INVS: variants seen among roughly 807,000 people sequenced by gnomAD.
INVS encodes the protein inversion of embryo turning homolog.
Under a neutral mutation model 108.8 loss-of-function variants are expected in INVS, and 86 were observed. That is an observed-to-expected ratio of 0.79 (90% CI 0.66 to 0.95). The LOEUF (loss-of-function observed/expected upper bound fraction) is 0.95, where lower values mean the gene tolerates loss of function less well. INVS is among the 40% of genes least tolerant of loss of function. INVS has a pLI of 0.00. For missense variants in INVS, 1,169 were observed against 1,297.4 expected (o/e 0.90, Z 1.52); for synonymous variants, 455 against 473.5 (o/e 0.96, Z 0.51).
rs548585225 is a variant in INVS, at chr9:100,100,997, TATA to T, written c.-25+1585_-25+1587del. Among the ~76,000 whole-genome samples the T allele has an allele frequency of 1.0e-4, 9 of 86,950 alleles. 1 individual carries two copies. The highest frequency in any genetic ancestry group is 5.2e-4 in the African/African-American group (9 of 17,382). The allele number at this position is 86,950 out of a possible 152,430, so 57.0% of individuals were successfully genotyped here. On this transcript the variant is annotated intron_variant, in intron 1 of 16. Transcript: ENST00000262457. ...ATTATATATATAATATATATGTATATATAATATATATATTATATGTATATATAT... is the reference window on the plus strand; with the variant it reads ...ATTATATATATAATATATATGTATATATATATATATTATATGTATATATAT...
At chr9:100,260,975 C>T (rs1319752193) in intron 10 of INVS, among the ~76,000 whole-genome samples, 1 of 152,168 alleles carries the variant, frequency 6.6e-6, no homozygotes, top group Non-Finnish European at 1.5e-5. Flanking sequence ...TATATACTGC[C>T]AAACTGATTT....
At chr9:100,291,918 T>C (rs974753663) in intron 13 of INVS, among the ~76,000 whole-genome samples, 15 of 152,228 alleles carry the variant, frequency 9.9e-5, no homozygotes, top group African/African-American at 3.6e-4. Flanking sequence ...ACTCATTTTC[T>C]GTTCTTATGT....
chr9:100,124,170 G>C (rs1827809576), intron 2 of INVS, among the ~76,000 whole-genome samples: 3 of 120,790 alleles, frequency 2.5e-5, no homozygotes, highest in Non-Finnish European at 5.0e-5. Flanking sequence ...TTTTTTATTT[G>C]TTTCTGAGTG....
chr9:100,300,257 A>C (rs1209377655), intron 16 of INVS, among the ~76,000 whole-genome samples: 1 of 152,198 alleles, frequency 6.6e-6, no homozygotes, highest in Non-Finnish European at 1.5e-5. Flanking sequence ...TGTTTATGTA[A>C]TGTGTTATGT....
intron 6 of INVS, among the ~76,000 whole-genome samples, chr9:100,241,524 T>C: frequency 6.6e-6 from 1 of 152,212 alleles, no homozygotes; most frequent in East Asian, 1.9e-4. Flanking sequence ...CCTGAAATTT[T>C]CCTCTGGATC....
At chr9:100,258,783 C>T (rs1339967288) in intron 10 of INVS, among the ~76,000 whole-genome samples, 1 of 152,172 alleles carries the variant, frequency 6.6e-6, no homozygotes, top group Non-Finnish European at 1.5e-5. Context: ...CTGGAAGCTT[C>T]GTCTCAGAGG....
chr9:100,261,849 C>A (rs1331402247), intron 10 of INVS, among the ~76,000 whole-genome samples: 1 of 152,114 alleles, frequency 6.6e-6, no homozygotes, highest in African/African-American at 2.4e-5. Context: ...TTAATTAATT[C>A]TGGTTTCTCA....
Position 100,296,952 on chromosome 9 carries a change from A to G in INVS, c.2822A>G (p.His941Arg), listed in dbSNP as rs886042226. 2.5e-6 allele frequency: 4 copies of G among 1,614,000 alleles called. No homozygotes were observed. In the African/African-American group the frequency reaches 5.3e-5, roughly 22 times the overall value. Residue 941 changes from histidine (H) to arginine (R), a missense_variant, in exon 15 of 17, where the codon CAT becomes CGT. By Grantham distance (29) the His-to-Arg change is conservative. Coordinates refer to ENST00000262457, the MANE Select transcript of INVS (RefSeq NM_014425.5). ...QLRKHLSHLRHMKQLGAGDVD... is the reference protein window; with the variant it reads ...QLRKHLSHLRRMKQLGAGDVD... ...AGGAAGCACCTGTCCCACCTTCGGC[A>G]TATGAAGCAGCTTGGAGCTGGAGAT... is the stretch of plus-strand genomic sequence containing the variant.
chr9:100,254,450 G>C (rs1307847949), intron 10 of INVS, among the ~76,000 whole-genome samples: 5 of 152,116 alleles, frequency 3.3e-5, no homozygotes, highest in Admixed American at 6.5e-5. Context: ...TTTGGCTTTT[G>C]TTGCCATTGC....
intron 12 of INVS, among the ~76,000 whole-genome samples, chr9:100,275,833 A>G (rs571195138): frequency 3.9e-4 from 59 of 152,372 alleles, no homozygotes; most frequent in African/African-American, 1.3e-3. Flanking sequence ...AGGAATATCT[A>G]TAATCAATTT....
chr9:100,246,697 G>A lies in INVS; in HGVS notation c.988G>A (p.Ala330Thr). 1 of 1,613,726 alleles carries A rather than the reference G, an allele frequency of 6.2e-7. No homozygotes were observed. Among genetic ancestry groups the A allele is most frequent in the Non-Finnish European group, 8.5e-7 (1 of 1,179,614 alleles). Residue 330 changes from alanine (A) to threonine (T), a missense_variant, in exon 8 of 17, where the codon GCT becomes ACT. This residue lies in a region of INVS where 365 missense variants were observed against 397.5 expected (regional missense o/e 0.92). Transcript: ENST00000262457. ...AGGAAGAACATCCTTTATGTGGGCA[G>A]CTGGCAAAGGCAGTGATGATGTCCT... The part of the protein sequence containing the change: ...LEGRTSFMWA[A>T]GKGSDDVLRT...
In INVS at chr9:100,229,709, A is replaced by G; in HGVS notation, c.497A>G (p.Lys166Arg). The change falls in exon 5 of 17, where the codon AAG becomes AGG. Residue 166 changes from lysine to arginine, a missense_variant. Physicochemically the swap from Lys to Arg is conservative, Grantham distance 26 (BLOSUM62 2). Coordinates refer to ENST00000262457, the MANE Select transcript of INVS (RefSeq NM_014425.5). The part of the protein sequence containing the change: ...SAYYNNPEHV[K>R]LLIKHDSNIG... ...TACTACAATAACCCTGAGCATGTGA[A>G]GCTGCTCATCAAGCATGATTCTAAC... The G allele has an allele frequency of 6.2e-7, 1 of 1,614,136 alleles. No homozygotes were observed. The highest frequency in any genetic ancestry group is 1.1e-5 in the South Asian group (1 of 91,074).
At chr9:100,142,440 C>T (rs1828462561) in intron 3 of INVS, among the ~76,000 whole-genome samples, 1 of 151,882 alleles carries the variant, frequency 6.6e-6, no homozygotes. Context: ...GAACTGCCAT[C>T]AATAAACCAA....
chr9:100,137,433 A>T (rs1274392627), intron 3 of INVS, among the ~76,000 whole-genome samples: 2 of 152,170 alleles, frequency 1.3e-5, no homozygotes, highest in African/African-American at 4.8e-5. Flanking sequence ...TTTTCACTGC[A>T]TAACAAGGAC....
At chr9:100,176,485 T>C (rs960049006) in intron 3 of INVS, among the ~76,000 whole-genome samples, 2 of 152,074 alleles carry the variant, frequency 1.3e-5, no homozygotes, top group African/African-American at 4.8e-5. Context: ...TATTTTTATT[T>C]ATTTATTTAG....
chr9:100,145,136 A>G (rs1366458834), intron 3 of INVS, among the ~76,000 whole-genome samples: 1 of 152,054 alleles, frequency 6.6e-6, no homozygotes, highest in African/African-American at 2.4e-5. Flanking sequence ...GTTCTTGAGA[A>G]CACAGGCTAA....
At chr9:100,158,597 C>T (rs897434812) in intron 3 of INVS, among the ~76,000 whole-genome samples, 2 of 152,132 alleles carry the variant, frequency 1.3e-5, no homozygotes. Flanking sequence ...TTCCTGGCAC[C>T]AAAATAGTGC....
intron 2 of INVS, among the ~76,000 whole-genome samples, chr9:100,120,232 T>C (rs915894165): frequency 2.8e-4 from 42 of 152,134 alleles, no homozygotes; most frequent in African/African-American, 1.0e-3. Flanking sequence ...TATATTCGAG[T>C]TATTCAAATA....
At chr9:100,140,290 A>C (rs1216286206) in intron 3 of INVS, among the ~76,000 whole-genome samples, 1 of 152,146 alleles carries the variant, frequency 6.6e-6, no homozygotes, top group Non-Finnish European at 1.5e-5. Flanking sequence ...TCAGTGAAGG[A>C]AGATGGGGTG....
Sources: allele counts gnomAD v4.1 joint callset (sites outside exome capture counted in the v4.1 genomes callset), GRCh38; gene constraint gnomAD v4.1.1; regional missense constraint gnomAD v4.1.1; transcripts MANE v1.5; gene names NCBI Gene and HGNC (gene_info 2026-07-23, HGNC 2026-07-21).